The following IL10RB variants were observed in gnomAD, a reference collection of about 807,000 sequenced individuals.
IL10RB encodes interleukin-10 receptor subunit beta.
Under a neutral mutation model 38.7 loss-of-function variants are expected in IL10RB, and 30 were observed. The ratio of observed to expected loss-of-function variants is 0.78; its 90% confidence interval spans 0.58 to 1.05. The LOEUF (loss-of-function observed/expected upper bound fraction) is 1.05, where lower values mean the gene tolerates loss of function less well. IL10RB is among the 50% of genes least tolerant of loss of function. The pLI is 0.00. For synonymous variants in IL10RB, 142 were observed against 145.9 expected (o/e 0.97, Z 0.19); for missense variants, 328 against 397.1 (o/e 0.83, Z 1.48).
At position 33,283,122 on chromosome 21, in the gene IL10RB, A is replaced by T; in HGVS notation, c.527A>T (p.Glu176Val). The change falls in exon 5 of 7, where the codon GAG becomes GTG. Residue 176 changes from glutamate (E) to valine (V), a missense_variant. Physicochemically the swap from Glu to Val is moderately radical, Grantham distance 121 (BLOSUM62 -2). Transcript: ENST00000290200. ...KFQITPQYDF[E>V]VLRNLEPWTT... ...CAAATTACTCCCCAGTATGACTTTG[A>T]GGTCCTCAGAAACCTGGAGCCATGG... 1.2e-6 allele frequency: 2 copies of T among 1,613,510 alleles called. No homozygotes were observed. Among genetic ancestry groups the T allele is most frequent in the Non-Finnish European group, 8.5e-7 (1 of 1,179,532 alleles).
At chr21:33,271,229 GT>G (rs1989073517) in intron 2 of IL10RB, among the ~76,000 whole-genome samples, 1 of 152,188 alleles carries the variant, frequency 6.6e-6, no homozygotes. Context: ...CAAAAGAGTT[GT>G]TTAGAGTTTA....
chr21:33,274,617 G>A (rs1195614671), intron 2 of IL10RB, among the ~76,000 whole-genome samples: 5 of 152,192 alleles, frequency 3.3e-5, no homozygotes, highest in African/African-American at 9.7e-5. Flanking sequence ...GGGGAACCAG[G>A]TACATTGTCA....
chr21:33,291,352 G>A (rs1453374998), intron 6 of IL10RB, among the ~76,000 whole-genome samples: 1 of 151,838 alleles, frequency 6.6e-6, no homozygotes, highest in Admixed American at 6.6e-5. Context: ...TGCAAGCTCC[G>A]CCTCCTGGGT....
intron 5 of IL10RB, among the ~76,000 whole-genome samples, chr21:33,287,323 C>T (rs1214652632): frequency 6.8e-6 from 1 of 147,532 alleles, no homozygotes; most frequent in East Asian, 1.9e-4. Context: ...GGGGTTTGGC[C>T]AAGTCTCTTA....
intron 1 of IL10RB, 35 bp downstream of exon 1, chr21:33,266,549 A>C (rs1316431373): frequency 2.0e-6 from 3 of 1,537,110 alleles, no homozygotes; most frequent in Non-Finnish European, 2.6e-6. Context: ...GCGCTTGGGA[A>C]CCGGGAGGCC....
At chr21:33,305,440 A>G (rs532168879) in intron 1 of IL10RB, among the ~76,000 whole-genome samples, 1 of 152,132 alleles carries the variant, frequency 6.6e-6, no homozygotes, top group African/African-American at 2.4e-5. Flanking sequence ...GATCACCTAC[A>G]CTGGTAAGCA....
At chr21:33,300,468 G>A (rs1052723685), downstream of IL10RB, among the ~76,000 whole-genome samples, 1 of 150,316 alleles carries the variant, frequency 6.7e-6, no homozygotes, top group Non-Finnish European at 1.5e-5. Flanking sequence ...GTAAACAAAA[G>A]CCTTCTTGGG....
chr21:33,302,803 C>T (rs1209627975), intron 1 of IL10RB, among the ~76,000 whole-genome samples: 1 of 152,164 alleles, frequency 6.6e-6, no homozygotes, highest in Non-Finnish European at 1.5e-5. Flanking sequence ...GGTATACTGT[C>T]GCCTGAGGCC....
At chr21:33,279,150 T>C (rs1252641086) in intron 3 of IL10RB, among the ~76,000 whole-genome samples, 3 of 152,210 alleles carry the variant, frequency 2.0e-5, no homozygotes, top group African/African-American at 7.2e-5. Context: ...TAATGGGAGC[T>C]GCACTTCTAC....
rs1466171395 is a variant in IL10RB at position 33,288,169 on chromosome 21, C to T, written c.712C>T (p.Leu238Phe). 4 of 1,614,106 alleles carry T rather than the reference C, an allele frequency of 2.5e-6. No homozygotes were observed. The South Asian group carries it at 3.3e-5, about 13-fold the overall frequency. The change falls in exon 6 of 7, where the codon CTC becomes TTC. Residue 238 changes from leucine (L) to phenylalanine (F), a missense_variant. By Grantham distance (22) the Leu-to-Phe change is conservative. Coordinates refer to ENST00000290200, the MANE Select transcript of IL10RB (RefSeq NM_000628.5). ...CTCGGTCTTCATGGTCTGCCTGGCACTCCTCGGCTGCTTCGCCTTGCTGTG... is the reference window on the plus strand; with the variant it reads ...CTCGGTCTTCATGGTCTGCCTGGCATTCCTCGGCTGCTTCGCCTTGCTGTG... ...MASVFMVCLALLGCFALLWCV... is the reference protein window; with the variant it reads ...MASVFMVCLAFLGCFALLWCV...
In IL10RB at chr21:33,276,673, A is replaced by C; in HGVS notation, c.251A>C (p.Asp84Ala). The part of the protein sequence containing the change: ...CDFSSLSKYG[D>A]HTLRVRAEFA... ...TTCTCAAGTCTTTCCAAGTATGGTG[A>C]CCACACCTTGAGAGTCAGGGCTGAA... Residue 84 changes from aspartate (D) to alanine (A), a missense_variant, in exon 3 of 7, where the codon GAC becomes GCC. Asp to Ala is a moderately radical substitution (Grantham distance 126). Coordinates refer to ENST00000290200, the MANE Select transcript of IL10RB (RefSeq NM_000628.5). The C allele has an allele frequency of 6.2e-7, 1 of 1,612,780 alleles. No individual in the cohort carries two copies. Among genetic ancestry groups the C allele is most frequent in the Non-Finnish European group, 8.5e-7 (1 of 1,178,714 alleles).
chr21:33,271,296 C>T (rs1458700307), intron 2 of IL10RB, among the ~76,000 whole-genome samples: 1 of 152,052 alleles, frequency 6.6e-6, no homozygotes, highest in African/African-American at 2.4e-5. Flanking sequence ...TGGGGCAGGG[C>T]GTCCAGAGCC....
chr21:33,268,514 T>G lies in IL10RB; in HGVS notation c.170T>G (p.Leu57Arg). 1 of 1,609,560 alleles carries G rather than the reference T, an allele frequency of 6.2e-7. No individual in the cohort carries two copies. Among genetic ancestry groups the G allele is most frequent in the Non-Finnish European group, 8.5e-7 (1 of 1,175,864 alleles). The change falls in exon 2 of 7, where the codon CTA (leucine) becomes CGA (arginine). Residue 57 changes from leucine to arginine, a missense_variant. By Grantham distance (102) the Leu-to-Arg change is moderately radical. Coordinates refer to ENST00000290200, the MANE Select transcript of IL10RB (RefSeq NM_000628.5). ...AACCTGACTTTCACAGCTCAGTACC[T>G]AAGGTGGGTCTGGCCTCACTATTGG... ...KGNLTFTAQY[L>R]SYRIFQDKCM...
At chr21:33,302,107 T>C (rs2082987410), downstream of IL10RB, among the ~76,000 whole-genome samples, 1 of 152,206 alleles carries the variant, frequency 6.6e-6, no homozygotes, top group Admixed American at 6.5e-5. Context: ...CAAGCTGCCA[T>C]ATTGGAGAAG....
intron 1 of IL10RB, among the ~76,000 whole-genome samples, chr21:33,304,361 G>A (rs2082993294): frequency 6.6e-6 from 1 of 152,158 alleles, no homozygotes. Flanking sequence ...TGAAGGCAGG[G>A]AAATTCAAAC....
chr21:33,276,586 G>A lies in IL10RB; in HGVS notation c.174-10G>A, dbSNP rs780284942. The A allele has an allele frequency of 6.2e-7, 1 of 1,610,628 alleles. No individual in the cohort carries two copies. On this transcript the variant is annotated splice_polypyrimidine_tract_variant and intron_variant, in intron 2 of 6. Coordinates refer to ENST00000290200, the MANE Select transcript of IL10RB (RefSeq NM_000628.5). ...ACTCTCCTGATTGACCTATCTTTTT[G>A]ATTGTGTAGTTATAGGATATTCCAA...
At chr21:33,272,251 C>A (rs748150948) in intron 2 of IL10RB, among the ~76,000 whole-genome samples, 1 of 152,046 alleles carries the variant, frequency 6.6e-6, no homozygotes, top group Non-Finnish European at 1.5e-5. Flanking sequence ...GATCTGAGTT[C>A]AGTTGGGCAG....
At chr21:33,278,692 A>G (rs969225556) in intron 3 of IL10RB, among the ~76,000 whole-genome samples, 8 of 152,242 alleles carry the variant, frequency 5.3e-5, no homozygotes, top group African/African-American at 1.7e-4. Context: ...CTACTACCCA[A>G]TATTGGAGAT....
chr21:33,267,922 T>C (rs1333525018), intron 1 of IL10RB: 3 of 249,916 alleles, frequency 1.2e-5, no homozygotes, highest in Non-Finnish European at 2.4e-5. Context: ...CTCCCTGACA[T>C]TCCTACTTCA....
Sources: allele counts gnomAD v4.1 joint callset (sites outside exome capture counted in the v4.1 genomes callset), GRCh38; gene constraint gnomAD v4.1.1; transcripts MANE v1.5; gene names NCBI Gene and HGNC (gene_info 2026-07-23, HGNC 2026-07-21).